Variants in C1orf167 observed in about 807,000 individuals in gnomAD.
C1orf167 encodes uncharacterized protein C1orf167.
A neutral mutation model predicts 176.5 loss-of-function variants in C1orf167; 153 were observed. The observed-to-expected ratio is 0.87, with a 90% CI of 0.76 to 0.99. The LOEUF (loss-of-function observed/expected upper bound fraction) is 0.99. C1orf167 is among the 50% of genes least tolerant of loss of function. C1orf167 has a pLI of 0.00. For synonymous variants in C1orf167, 594 were observed against 752.7 expected, an observed-to-expected ratio of 0.79 and a Z score of 3.45; for missense variants, 1,490 against 1,817.7, an observed-to-expected ratio of 0.82 and a Z score of 3.28.
At position 11,789,415 on chromosome 1, in the gene C1orf167, G is replaced by C. The variant is rs553811159; in HGVS notation, c.4319G>C (p.Gly1440Ala). Reference sequence around the variant, plus strand: ...AGAGCACCGCGGGGTTGGGGGCTTGGGGCAGAGCATGGGGCCCAGCTGCAG... The same window carrying C: ...AGAGCACCGCGGGGTTGGGGGCTTGCGGCAGAGCATGGGGCCCAGCTGCAG... ...AARAPRGWGL[G>A]AEHGAQLQL Residue 1440 changes from glycine (G) to alanine (A), a missense_variant, in exon 21 of 21, where the codon GGG (glycine) becomes GCG (alanine). Coordinates refer to ENST00000688073, the MANE Select transcript of C1orf167 (RefSeq NM_001010881.2). 3.5e-5 allele frequency: 45 copies of C among 1,303,940 alleles called. No individual in the cohort carries two copies. In the East Asian group the frequency reaches 2.5e-3, roughly 72 times the overall value. The allele number at this position is 1,303,940 out of a possible 1,614,324, so 80.8% of individuals were successfully genotyped here. A position where few individuals can be genotyped will look rare whatever the true frequency, so the allele number is the denominator to read the frequency against.
chr1:11,777,047 A>T (rs1439152967), intron 10 of C1orf167: 1 of 154,086 alleles, frequency 6.5e-6, no homozygotes, highest in African/African-American at 2.4e-5. Context: ...GCAGGCACAG[A>T]ATAAATACTG....
chr1:11,771,069 A>ATATATTT (rs1557726938), intron 6 of C1orf167, among the ~76,000 whole-genome samples: 2 of 47,226 alleles, frequency 4.2e-5, no homozygotes, highest in African/African-American at 9.8e-5. Flanking sequence ...ATATATATAT[A>ATATATTT]TTTTTTTTTT....
Position 11,779,674 on chromosome 1 carries a change from A to G in C1orf167, c.2652-128A>G, listed in dbSNP as rs143656779. On this transcript the variant is annotated intron_variant, in intron 12 of 20. Transcript: ENST00000688073. ...AGTCCCCAGCAACCCACCCTCCCAT[A>G]ATGGAAACAGAAGAGTCACCCAGAG... 355 of 670,132 alleles carry G rather than the reference A, an allele frequency of 5.3e-4. 5 individuals are homozygous for G. The African/African-American group carries it at 6.3e-3, about 12-fold the overall frequency. The allele number at this position is 670,132 out of a possible 1,614,324, so 41.5% of individuals were successfully genotyped here. A position where few individuals can be genotyped will look rare whatever the true frequency, so the allele number is the denominator to read the frequency against.
At chr1:11,769,703 G>A (rs1252732685) in intron 6 of C1orf167, among the ~76,000 whole-genome samples, 7 of 141,666 alleles carry the variant, frequency 4.9e-5, no homozygotes, top group South Asian at 2.2e-4. Context: ...ATGGAGTCTC[G>A]CTCTGTCGCC....
chr1:11,765,752 C>T (rs1323339742), intron 2 of C1orf167, 105 bp from the exon 3 acceptor site: 13 of 1,066,808 alleles, frequency 1.2e-5, no homozygotes, highest in East Asian at 6.7e-5. Context: ...AGCTCCCTCC[C>T]GCTGCTGGGG....
chr1:11,778,489 C>T (rs1445632838), intron 10 of C1orf167, among the ~76,000 whole-genome samples, 171 bp from the exon 11 acceptor site: 1 of 152,222 alleles, frequency 6.6e-6, no homozygotes, highest in Non-Finnish European at 1.5e-5. Flanking sequence ...TTCCAGCATG[C>T]AGCCGCTGTG....
At chr1:11,781,542 G>A (rs1242445189) in intron 13 of C1orf167, among the ~76,000 whole-genome samples, 1 of 152,192 alleles carries the variant, frequency 6.6e-6, no homozygotes, top group Admixed American at 6.5e-5. Flanking sequence ...AGCTGCTTAT[G>A]CAGCCCAATC....
chr1:11,788,136 CCT>C lies in C1orf167; in HGVS notation c.3849-8_3849-7del. On this transcript the variant is annotated splice_polypyrimidine_tract_variant and intron_variant, in intron 18 of 20. Transcript: ENST00000688073. ...GCCTGAGCCATGGCTACAGCTGGGC[CCT>C]CTCTGGCCAGTGCTCGTTCCTGCAG... The C allele has an allele frequency of 2.3e-6, 3 of 1,279,968 alleles. No homozygotes were observed. Among genetic ancestry groups the C allele is most frequent in the Non-Finnish European group, 3.1e-6 (3 of 970,806 alleles). 79.3% of individuals were successfully genotyped at this position (1,279,968 alleles called of 1,614,324 possible). A position where few individuals can be genotyped will look rare whatever the true frequency, so the allele number is the denominator to read the frequency against.
At chr1:11,772,905 T>TTATTATTATTATTATTATTATTA (rs1344195504) in intron 8 of C1orf167, among the ~76,000 whole-genome samples, 1 of 31,924 alleles carries the variant, frequency 3.1e-5, no homozygotes, top group Non-Finnish European at 9.4e-5. Context: ...ATTATTATTA[T>TTATTATTATTATTATTATTATTA]TATTATTATT....
intron 8 of C1orf167, among the ~76,000 whole-genome samples, chr1:11,775,055 C>G (rs1035276936): frequency 6.6e-6 from 1 of 152,052 alleles, no homozygotes; most frequent in Admixed American, 6.6e-5. Flanking sequence ...GAGGCCAAGA[C>G]GGCCGGATCA....
At chr1:11,789,016 A>G (rs1643996144) in intron 20 of C1orf167, 1 of 387,766 alleles carries the variant, frequency 2.6e-6, no homozygotes, top group African/African-American at 2.1e-5. Flanking sequence ...TGCCACTCAC[A>G]CTAGCCCATG....
In C1orf167 at chr1:11,785,142, C is replaced by A; in HGVS notation, c.3426-6C>A. On this transcript the variant is annotated splice_region_variant and splice_polypyrimidine_tract_variant and intron_variant, in intron 15 of 20. Transcript: ENST00000688073. ...CCCTGGCTGCAGACTCCTTCCTCTC[C>A]CGCAGGGTCCTAGAGGCCTCGGTGC... The A allele has an allele frequency of 7.8e-7, 1 of 1,284,858 alleles. No homozygotes were observed. The highest frequency in any genetic ancestry group is 1.0e-6 in the Non-Finnish European group (1 of 983,928). The allele number at this position is 1,284,858 out of a possible 1,614,324, so 79.6% of individuals were successfully genotyped here.
In C1orf167 at chr1:11,776,498, C is replaced by G; in HGVS notation, c.2199C>G (p.Ala733=). The change falls in exon 10 of 21, where the codon GCC becomes GCG. Residue 733 remains alanine (A), a synonymous_variant. Transcript: ENST00000688073. The stretch of plus-strand genomic sequence containing the variant: ...CTGTCTACACCGCAGGCCCTGGAGC[C>G]TGTGGCCTGGGTGCAGTGGGCCAGG... The part of the protein sequence containing the change: ...REAVYTAGPG[A]CGLGAVGQAQ... 7.7e-7 allele frequency: 1 copy of G among 1,301,584 alleles called. No individual in the cohort carries two copies. The highest frequency in any genetic ancestry group is 1.0e-6 in the Non-Finnish European group (1 of 987,876). The allele number at this position is 1,301,584 out of a possible 1,614,324, so 80.6% of individuals were successfully genotyped here. A position where few individuals can be genotyped will look rare whatever the true frequency, so the allele number is the denominator to read the frequency against.
rs1340720571 is a variant in C1orf167 at position 11,766,315 on chromosome 1, C to T, written c.529C>T (p.Pro177Ser). 3.1e-6 allele frequency: 4 copies of T among 1,288,146 alleles called. No homozygotes were observed. In the Admixed American group the frequency reaches 7.0e-5, roughly 22 times the overall value. The allele number at this position is 1,288,146 out of a possible 1,614,324, so 79.8% of individuals were successfully genotyped here. ...GTCCGGGCTGCCGGCCCCAGGCACC[C>T]CTAGCGGGGACTTCAGGCCCACTGA... ...RQSGLPAPGT[P>S]SGDFRPTEAF... The change falls in exon 3 of 21, where the codon CCT becomes TCT. Residue 177 changes from proline (P) to serine (S), a missense_variant. Pro to Ser is a moderately conservative substitution (Grantham distance 74). Coordinates refer to ENST00000688073, the MANE Select transcript of C1orf167 (RefSeq NM_001010881.2). The surrounding 1 kb of genome is among the most constrained non-coding windows in gnomAD (Gnocchi z 4.5).
chr1:11,781,258 A>C (rs1336473345), intron 13 of C1orf167, among the ~76,000 whole-genome samples: 1 of 151,988 alleles, frequency 6.6e-6, no homozygotes, highest in Non-Finnish European at 1.5e-5. Flanking sequence ...TCGGCCTTCC[A>C]AAGTGCTGGG....
Position 11,789,557 on chromosome 1 carries a change from A to G in C1orf167, c.*111A>G. The G allele has an allele frequency of 4.8e-6, 5 of 1,040,728 alleles. No homozygotes were observed. The South Asian group carries it at 7.8e-5, about 16-fold the overall frequency. 64.5% of individuals were successfully genotyped at this position (1,040,728 alleles called of 1,614,324 possible). ...GAGGGGACAGCTTGAAGAGCTCTGA[A>G]GGACAATAAAACCCACTCCTCAGTC... On this transcript the variant is annotated 3_prime_UTR_variant, in exon 21 of 21. Transcript: ENST00000688073.
At chr1:11,764,494 T>C (rs978413178) in intron 2 of C1orf167, 24 bp downstream of exon 2, 11 of 1,288,352 alleles carry the variant, frequency 8.5e-6, no homozygotes, top group African/African-American at 3.0e-5. Flanking sequence ...TGGGCCTGGA[T>C]GGGCAGTTAC....
chr1:11,768,788 C>G lies in C1orf167; in HGVS notation c.1543-185C>G, dbSNP rs1379524747. Among the ~76,000 whole-genome samples the G allele has an allele frequency of 6.6e-6, 1 of 152,054 alleles. No homozygotes were observed. Among genetic ancestry groups the G allele is most frequent in the African/African-American group, 2.4e-5 (1 of 41,388 alleles). On this transcript the variant is annotated intron_variant, in intron 5 of 20. Coordinates refer to ENST00000688073, the MANE Select transcript of C1orf167 (RefSeq NM_001010881.2). This position sits in a 1 kb window ranked among gnomAD's most constrained non-coding sequence, Gnocchi z 4.5. ...GCGTTGCCTCTTGGGATGCATCGCTCTATATTTGTTCATTCATTCATTCCT... is the reference window on the plus strand; with the variant it reads ...GCGTTGCCTCTTGGGATGCATCGCTGTATATTTGTTCATTCATTCATTCCT...
chr1:11,788,245 G>A lies in C1orf167; in HGVS notation c.3945G>A (p.Glu1315=). ...LKGHDALGHQ[E]EVPAAPVPRG... ...GTCACGATGCTCTTGGCCATCAGGA[G>A]GAAGTACCTGCAGCGCCGGTGCCTC... The change falls in exon 19 of 21, where the codon GAG becomes GAA. Residue 1315 remains glutamate (E), a synonymous_variant. Coordinates refer to ENST00000688073, the MANE Select transcript of C1orf167 (RefSeq NM_001010881.2). 1 of 1,303,896 alleles carries A rather than the reference G, an allele frequency of 7.7e-7. No individual in the cohort carries two copies. The highest frequency in any genetic ancestry group is 1.0e-6 in the Non-Finnish European group (1 of 988,638). 80.8% of individuals were successfully genotyped at this position (1,303,896 alleles called of 1,614,324 possible).
Sources: gnomAD v4.1 joint callset for allele counts (sites outside exome capture counted in the v4.1 genomes callset) on GRCh38, gnomAD v4.1.1 for gene constraint, Gnocchi (gnomAD v3.1) non-coding constraint, MANE v1.5 for transcripts, NCBI Gene and HGNC (gene_info 2026-07-23, HGNC 2026-07-21) for gene names.